The following LAMA3 variants were observed in gnomAD, a reference collection of about 807,000 sequenced individuals.
LAMA3 encodes laminin subunit alpha-3.
Under a neutral mutation model 402.0 loss-of-function variants are expected in LAMA3, and 281 were observed. The observed-to-expected ratio is 0.70, with a 90% CI of 0.63 to 0.77. The LOEUF (loss-of-function observed/expected upper bound fraction) is 0.77, where lower values mean the gene tolerates loss of function less well. LAMA3 is among the 30% of genes least tolerant of loss of function. LAMA3 has a pLI of 0.00. For synonymous variants in LAMA3, 1,431 were observed against 1,558.4 expected (o/e 0.92, Z 1.93); for missense variants, 3,840 against 4,215.5 (o/e 0.91, Z 2.47).
chr18:23,935,894 A>G (rs547335450), intron 67 of LAMA3, among the ~76,000 whole-genome samples: 3 of 151,944 alleles, frequency 2.0e-5, no homozygotes, highest in Non-Finnish European at 4.4e-5. Context: ...GTACCCCAGG[A>G]ACTGGGTCTG....
intron 11 of LAMA3, chr18:23,781,270 T>C: frequency 2.2e-6 from 1 of 455,988 alleles, no homozygotes; most frequent in Admixed American, 2.3e-5. Context: ...ATTAGGACCT[T>C]GTATGGCAGC....
intron 32 of LAMA3, among the ~76,000 whole-genome samples, chr18:23,856,268 C>T (rs2064077326): frequency 6.6e-6 from 1 of 152,076 alleles, no homozygotes; most frequent in Admixed American, 6.5e-5. Context: ...CAAAGAGAAA[C>T]TTAATGGGAT....
At chr18:23,708,791 C>G (rs2060936468) in intron 1 of LAMA3, among the ~76,000 whole-genome samples, 1 of 151,734 alleles carries the variant, frequency 6.6e-6, no homozygotes, top group African/African-American at 2.4e-5. Flanking sequence ...AGTTCTCACC[C>G]TGTTGCCCAG....
chr18:23,798,408 A>G (rs1002869193), intron 12 of LAMA3, among the ~76,000 whole-genome samples: 6 of 152,082 alleles, frequency 3.9e-5, no homozygotes, highest in African/African-American at 1.4e-4. Context: ...TCCTATAAAT[A>G]TGTTGTCAGT....
intron 2 of LAMA3, among the ~76,000 whole-genome samples, chr18:23,725,691 C>T (rs965557244): frequency 6.6e-6 from 1 of 152,218 alleles, no homozygotes; most frequent in African/African-American, 2.4e-5. Flanking sequence ...GCGCAGCTCA[C>T]TCTAGACCAG....
intron 2 of LAMA3, among the ~76,000 whole-genome samples, chr18:23,743,023 A>G (rs2061589424): frequency 6.6e-6 from 1 of 152,182 alleles, no homozygotes; most frequent in Non-Finnish European, 1.5e-5. Context: ...TTTCAATTCA[A>G]CAACATGTAT....
chr18:23,692,838 C>T lies in LAMA3; in HGVS notation c.294+2861C>T, dbSNP rs1336017129. On this transcript the variant is annotated intron_variant, in intron 1 of 74. Transcript: ENST00000313654. ...TTTTTAGTACTTATTCTGAAGATTA[C>T]GATTAGTATCCTAAATATATAACAA... 2.6e-5 allele frequency among the ~76,000 whole-genome samples: 4 copies of T among 151,900 alleles called. No individual in the cohort carries two copies. The East Asian group carries it at 5.8e-4, about 22-fold the overall frequency.
chr18:23,809,779 T>C (rs1385138558), intron 12 of LAMA3, among the ~76,000 whole-genome samples: 1 of 152,082 alleles, frequency 6.6e-6, no homozygotes, highest in Non-Finnish European at 1.5e-5. Context: ...TTTCCATGAC[T>C]ACTTAACTAC....
rs2145375941 is a variant in LAMA3 at position 23,928,617 on chromosome 18, C to A, written c.8296-8C>A. The A allele has an allele frequency of 1.2e-6, 2 of 1,613,722 alleles. No homozygotes were observed. Among genetic ancestry groups the A allele is most frequent in the Non-Finnish European group, 1.7e-6 (2 of 1,179,592 alleles). On this transcript the variant is annotated splice_polypyrimidine_tract_variant and splice_region_variant and intron_variant, in intron 63 of 74. Coordinates refer to ENST00000313654, the MANE Select transcript of LAMA3 (RefSeq NM_198129.4). Reference sequence around the variant, plus strand: ...ATGCCAGTAATTTATTCCATGTTTGCATTTCAGCTTGTGCGATCTGCCTCA... The same window carrying A: ...ATGCCAGTAATTTATTCCATGTTTGAATTTCAGCTTGTGCGATCTGCCTCA...
rs1007349957 is a variant in LAMA3, at chr18:23,907,860, G to C, written c.6940G>C (p.Glu2314Gln). The part of the protein sequence containing the change: ...DGLNPIQTDV[E>Q]RIKDTYGRTQ... ...GCTCAACCCCATCCAGACAGATGTGGAAAGAATTAAGGACACCTATGGGAG... is the reference window on the plus strand; with the variant it reads ...GCTCAACCCCATCCAGACAGATGTGCAAAGAATTAAGGACACCTATGGGAG... Residue 2314 changes from glutamate to glutamine, a missense_variant, in exon 54 of 75, where the codon GAA (glutamate) becomes CAA (glutamine). Glu to Gln is a conservative substitution (Grantham distance 29). Transcript: ENST00000313654. 2.5e-6 allele frequency: 4 copies of C among 1,614,132 alleles called. No homozygotes were observed. Among genetic ancestry groups the C allele is most frequent in the Non-Finnish European group, 3.4e-6 (4 of 1,180,020 alleles).
intron 54 of LAMA3, among the ~76,000 whole-genome samples, chr18:23,908,665 G>A (rs1218961588): frequency 1.3e-5 from 2 of 151,360 alleles, no homozygotes; most frequent in African/African-American, 2.4e-5. Flanking sequence ...ACCATGTACA[G>A]TAGTTCCTCC....
chr18:23,826,203 T>C (rs1397886448), intron 21 of LAMA3, among the ~76,000 whole-genome samples: 1 of 152,230 alleles, frequency 6.6e-6, no homozygotes. Flanking sequence ...CAGTGGAACA[T>C]GTTCTTCCTC....
chr18:23,701,924 G>T (rs1386836079), intron 1 of LAMA3, among the ~76,000 whole-genome samples: 1 of 152,192 alleles, frequency 6.6e-6, no homozygotes, highest in African/African-American at 2.4e-5. Context: ...GTCAAATGGA[G>T]TGAGTGGGGG....
intron 68 of LAMA3, among the ~76,000 whole-genome samples, chr18:23,940,339 G>T (rs1372119915): frequency 1.3e-5 from 2 of 152,198 alleles, no homozygotes; most frequent in Non-Finnish European, 2.9e-5. Context: ...TCTCTGAGAA[G>T]AGCTCAGTGT....
At chr18:23,779,526 A>G (rs1358968714) in intron 11 of LAMA3, among the ~76,000 whole-genome samples, 1 of 152,108 alleles carries the variant, frequency 6.6e-6, no homozygotes, top group Non-Finnish European at 1.5e-5. Flanking sequence ...GAGCAGTTAG[A>G]AGGAAGAAGT....
chr18:23,789,543 G>A (rs548777998), intron 12 of LAMA3, among the ~76,000 whole-genome samples: 9 of 152,202 alleles, frequency 5.9e-5, no homozygotes, highest in African/African-American at 7.2e-5. Flanking sequence ...AAAACATTAC[G>A]CTAAATGAAA....
At chr18:23,792,720 A>T (rs1475134226) in intron 12 of LAMA3, among the ~76,000 whole-genome samples, 1 of 152,136 alleles carries the variant, frequency 6.6e-6, no homozygotes, top group Non-Finnish European at 1.5e-5. Context: ...GAGCAGGGAG[A>T]GTATTGCCGC....
At position 23,914,458 on chromosome 18, in the gene LAMA3, T is replaced by C. The variant is rs2081540844; in HGVS notation, c.7378T>C (p.Cys2460Arg). 5 of 1,614,134 alleles carry C rather than the reference T, an allele frequency of 3.1e-6. No homozygotes were observed. Among genetic ancestry groups the C allele is most frequent in the Non-Finnish European group, 4.2e-6 (5 of 1,180,004 alleles). Reference protein sequence around the residue: ...GMAVVDGQLTCVYNLGDREAE... With the variant: ...GMAVVDGQLTRVYNLGDREAE... Reference sequence around the variant, plus strand: ...GGCAGTTGTGGATGGCCAGCTCACCTGTGTCTACAACCTGGGGGACCGTGA... The same window carrying C: ...GGCAGTTGTGGATGGCCAGCTCACCCGTGTCTACAACCTGGGGGACCGTGA... The change falls in exon 57 of 75, where the codon TGT becomes CGT. Residue 2460 changes from cysteine (C) to arginine (R), a missense_variant. Around this residue, in one of 3 missense-constraint regions of LAMA3, gnomAD observed 891 missense variants for 857.5 expected, o/e 1.04. Coordinates refer to ENST00000313654, the MANE Select transcript of LAMA3 (RefSeq NM_198129.4).
At chr18:23,801,024 T>G (rs1216590166) in intron 12 of LAMA3, among the ~76,000 whole-genome samples, 3 of 152,054 alleles carry the variant, frequency 2.0e-5, no homozygotes, top group African/African-American at 7.2e-5. Context: ...AACAAAGACA[T>G]GGAATCAATC....
Sources: gnomAD v4.1 joint callset for allele counts (sites outside exome capture counted in the v4.1 genomes callset) on GRCh38, gnomAD v4.1.1 for gene constraint, gnomAD v4.1.1 regional missense constraint, MANE v1.5 for transcripts, NCBI Gene and HGNC (gene_info 2026-07-23, HGNC 2026-07-21) for gene names.